The following ZFAND3 variants were observed in gnomAD, a reference collection of about 807,000 sequenced individuals.
ZFAND3 encodes the protein zinc finger AN1-type containing 3.
In ZFAND3, 10 loss-of-function variants were observed where a neutral mutation model predicts 29.6. The observed-to-expected ratio is 0.34, with a 90% CI of 0.21 to 0.57. The LOEUF (loss-of-function observed/expected upper bound fraction) is 0.57. Among genes scored for constraint, ZFAND3 ranks in the 20% least tolerant of loss-of-function variants. ZFAND3 has a pLI of 0.86. For synonymous variants in ZFAND3, 128 were observed against 112.6 expected, an observed-to-expected ratio of 1.14 and a Z score of -0.87; for missense variants, 230 against 304.5, an observed-to-expected ratio of 0.76 and a Z score of 1.82.
At chr6:37,892,591 AAAG>A (rs1350487655) in intron 1 of ZFAND3, among the ~76,000 whole-genome samples, 2 of 152,228 alleles carry the variant, frequency 1.3e-5, no homozygotes, top group African/African-American at 4.8e-5. Flanking sequence ...AAGCAAACAG[AAAG>A]AAGAACAAAA....
intron 5 of ZFAND3, among the ~76,000 whole-genome samples, chr6:38,134,847 G>T (rs533763462): frequency 6.6e-6 from 1 of 152,320 alleles, no homozygotes; most frequent in African/African-American, 2.4e-5. Flanking sequence ...TTCTGTGCCA[G>T]CATAAACTCT....
At chr6:38,093,805 T>C (rs1764919354) in intron 4 of ZFAND3, among the ~76,000 whole-genome samples, 1 of 152,190 alleles carries the variant, frequency 6.6e-6, no homozygotes, top group Admixed American at 6.5e-5. Flanking sequence ...TGGAGTTAAT[T>C]GAACCATTAA....
chr6:38,027,085 A>AG (rs1484653849), intron 2 of ZFAND3, among the ~76,000 whole-genome samples: 3 of 152,240 alleles, frequency 2.0e-5, no homozygotes, highest in African/African-American at 7.2e-5. Flanking sequence ...CAGGGCTCTA[A>AG]GGACACAGGT....
intron 2 of ZFAND3, among the ~76,000 whole-genome samples, chr6:37,982,826 A>G (rs1391700590): frequency 6.6e-6 from 1 of 152,178 alleles, no homozygotes; most frequent in African/African-American, 2.4e-5. Context: ...GTCACTGGAG[A>G]TGATAGCTCT....
At chr6:37,857,778 T>A (rs1037890939) in intron 1 of ZFAND3, among the ~76,000 whole-genome samples, 1 of 152,176 alleles carries the variant, frequency 6.6e-6, no homozygotes, top group African/African-American at 2.4e-5. Context: ...TATAATAGTT[T>A]ATGTGATGGC....
intron 5 of ZFAND3, among the ~76,000 whole-genome samples, chr6:38,130,020 T>A (rs888401645): frequency 6.6e-6 from 1 of 152,174 alleles, no homozygotes. Flanking sequence ...GTTTTCCTTG[T>A]AGAGGTCTTT....
chr6:37,827,502 T>C (rs1397802643), intron 1 of ZFAND3, among the ~76,000 whole-genome samples: 1 of 152,224 alleles, frequency 6.6e-6, no homozygotes, highest in Non-Finnish European at 1.5e-5. Flanking sequence ...ATGGCAGCTT[T>C]TTATATGTGA....
chr6:37,897,016 T>C (rs1443299497), intron 1 of ZFAND3, among the ~76,000 whole-genome samples: 1 of 152,194 alleles, frequency 6.6e-6, no homozygotes, highest in African/African-American at 2.4e-5. Flanking sequence ...GTTGATAATA[T>C]CCTCTTTTTA....
At chr6:37,844,286 GTCTTTCTTGTCTT>G (rs1034322385) in intron 1 of ZFAND3, among the ~76,000 whole-genome samples, 28 of 150,084 alleles carry the variant, frequency 1.9e-4, no homozygotes, top group Admixed American at 1.3e-3. Context: ...TTCCTTCTCT[GTCTTTCTTGTCTT>G]TCTTTCTTGT....
At chr6:37,957,559 G>A (rs959332257) in intron 2 of ZFAND3, among the ~76,000 whole-genome samples, 14 of 151,938 alleles carry the variant, frequency 9.2e-5, no homozygotes, top group Admixed American at 8.5e-4. Flanking sequence ...CAATGCTAGG[G>A]TCATCTAGAT....
chr6:38,139,970 C>T lies in ZFAND3; in HGVS notation c.530-12265C>T, dbSNP rs186249849. 3.3e-5 allele frequency among the ~76,000 whole-genome samples: 5 copies of T among 152,276 alleles called. No homozygotes were observed. In the East Asian group the frequency reaches 5.8e-4, roughly 18 times the overall value. ...GTGAATGGATTTGATTTTTGGAAAT[C>T]GTATCCACAAGACTCGGTAATTGAA... On this transcript the variant is annotated intron_variant, in intron 5 of 5. Coordinates refer to ENST00000287218, the MANE Select transcript of ZFAND3 (RefSeq NM_021943.3).
intron 2 of ZFAND3, among the ~76,000 whole-genome samples, chr6:38,010,345 A>AT (rs1175759495): frequency 6.6e-6 from 1 of 152,058 alleles, no homozygotes; most frequent in African/African-American, 2.4e-5. Flanking sequence ...TTGGGAGTTG[A>AT]TTTTTTTCCC....
intron 3 of ZFAND3, among the ~76,000 whole-genome samples, chr6:38,066,706 A>C (rs1037730668): frequency 2.6e-5 from 4 of 152,246 alleles, no homozygotes; most frequent in Non-Finnish European, 5.9e-5. Flanking sequence ...TTGAACTATG[A>C]ACATATCAAC....
intron 1 of ZFAND3, among the ~76,000 whole-genome samples, chr6:37,821,721 T>A (rs1763670554): frequency 6.6e-6 from 1 of 152,280 alleles, no homozygotes; most frequent in Non-Finnish European, 1.5e-5. Flanking sequence ...GTATCAGGTC[T>A]CTTTCCTGGC....
chr6:38,009,151 T>C (rs961011963), intron 2 of ZFAND3, among the ~76,000 whole-genome samples: 5 of 152,200 alleles, frequency 3.3e-5, no homozygotes, highest in African/African-American at 1.2e-4. Flanking sequence ...TCTTTTGAAT[T>C]GAGCCCTTTG....
chr6:37,924,217 A>G (rs563929955), intron 1 of ZFAND3, among the ~76,000 whole-genome samples: 1 of 152,258 alleles, frequency 6.6e-6, no homozygotes, highest in South Asian at 2.1e-4. Context: ...AGCTCCAGAA[A>G]GATGACAGGC....
chr6:37,899,956 TATG>T (rs932356154), intron 1 of ZFAND3, among the ~76,000 whole-genome samples: 4 of 152,190 alleles, frequency 2.6e-5, no homozygotes, highest in African/African-American at 9.7e-5. Context: ...TTCAGCTTCT[TATG>T]ATGTGTTTTA....
At chr6:37,863,973 CAG>C (rs1764540083) in intron 1 of ZFAND3, among the ~76,000 whole-genome samples, 1 of 151,944 alleles carries the variant, frequency 6.6e-6, no homozygotes, top group Non-Finnish European at 1.5e-5. Flanking sequence ...TAGTGACAAA[CAG>C]TGGCTGGGAT....
rs1213834342 is a variant in ZFAND3 at position 37,862,873 on chromosome 6, A to G, written c.71+42857A>G. Among the ~76,000 whole-genome samples, 4 of 152,188 alleles carry G rather than the reference A, an allele frequency of 2.6e-5. No individual in the cohort carries two copies. The East Asian group carries it at 7.7e-4, about 29-fold the overall frequency. On this transcript the variant is annotated intron_variant, in intron 1 of 5. Transcript: ENST00000287218. The stretch of plus-strand genomic sequence containing the variant: ...AAAAAAAATGGGTATTTTCCAGGGA[A>G]AATATTTGGGCCAACTTCCAACTGA...
Sources: gnomAD v4.1 joint callset for allele counts (sites outside exome capture counted in the v4.1 genomes callset) on GRCh38, gnomAD v4.1.1 for gene constraint, MANE v1.5 for transcripts, NCBI Gene and HGNC (gene_info 2026-07-23, HGNC 2026-07-21) for gene names.